PI4KA: variants seen among roughly 807,000 people sequenced by gnomAD.
The protein encoded by PI4KA is phosphatidylinositol 4-kinase alpha, also known as PI4-kinase alpha.
In PI4KA, 122 loss-of-function variants were observed where a neutral mutation model predicts 271.4. The observed-to-expected ratio is 0.45, with a 90% CI of 0.39 to 0.52. The LOEUF is 0.52. Ranked by LOEUF, PI4KA falls within the 20% of genes least tolerant of loss-of-function variation. PI4KA has a pLI of 0.00. For missense variants in PI4KA, 1,969 were observed against 2,769.1 expected, an observed-to-expected ratio of 0.71 and a Z score of 6.48; for synonymous variants, 1,041 against 1,078.8, an observed-to-expected ratio of 0.96 and a Z score of 0.69.
At chr22:20,751,417 C>T (rs1315690676) in intron 26 of PI4KA, 41 bp from the exon 27 acceptor site, 1 of 1,578,382 alleles carries the variant, frequency 6.3e-7, no homozygotes, top group Admixed American at 1.7e-5. Context: ...ACTGCCTTCC[C>T]CAAGTTGCCA....
At chr22:20,726,322 A>T in intron 42 of PI4KA, 166 bp downstream of exon 42, 1 of 539,554 alleles carries the variant, frequency 1.9e-6, no homozygotes, top group East Asian at 3.6e-5. Flanking sequence ...ATGGGTATCA[A>T]GGGACAATCA....
intron 17 of PI4KA, among the ~76,000 whole-genome samples, chr22:20,797,576 G>A (rs147528066): frequency 5.9e-5 from 9 of 152,300 alleles, no homozygotes; most frequent in African/African-American, 1.9e-4. Flanking sequence ...GGCTCATGAC[G>A]GTGGCAGCAA....
At chr22:20,787,380 G>A (rs1250285161) in intron 19 of PI4KA, 3 of 399,626 alleles carry the variant, frequency 7.5e-6, no homozygotes, top group Admixed American at 3.7e-5. Flanking sequence ...CCGCTCCGGT[G>A]ACCCCATCCT....
intron 1 of PI4KA, among the ~76,000 whole-genome samples, chr22:20,847,585 T>C (rs997782550): frequency 1.3e-5 from 2 of 151,850 alleles, no homozygotes; most frequent in Admixed American, 1.3e-4. Context: ...TGAAACCCAG[T>C]TTCTACAAAA....
chr22:20,756,302 G>A (rs1296697748), intron 23 of PI4KA, among the ~76,000 whole-genome samples: 2 of 151,048 alleles, frequency 1.3e-5, no homozygotes, highest in Non-Finnish European at 3.0e-5. Flanking sequence ...ACCTCCGACG[G>A]GTTGCATTCC....
intron 32 of PI4KA, among the ~76,000 whole-genome samples, chr22:20,735,833 C>G (rs3016140): frequency 1.3e-5 from 2 of 152,038 alleles, no homozygotes. Flanking sequence ...TCCTGCAGAC[C>G]GATTAGTCTT....
At chr22:20,749,859 A>C in intron 28 of PI4KA, 46 bp downstream of exon 28, 1 of 1,156,862 alleles carries the variant, frequency 8.6e-7, no homozygotes, top group Non-Finnish European at 1.3e-6. Flanking sequence ...CTTTTTTGGG[A>C]GTTTGAAGGA....
chr22:20,737,632 T>C (rs1183520098), intron 32 of PI4KA, among the ~76,000 whole-genome samples: 1 of 110,312 alleles, frequency 9.1e-6, no homozygotes, highest in East Asian at 3.0e-4. Flanking sequence ...CCTACTCTTT[T>C]TCTTTTTTTT....
chr22:20,782,929 C>G (rs1933910461), intron 19 of PI4KA, among the ~76,000 whole-genome samples: 1 of 152,214 alleles, frequency 6.6e-6, no homozygotes, highest in South Asian at 2.1e-4. Flanking sequence ...AAGACACCTC[C>G]TGCTCATCTC....
chr22:20,812,523 T>C (rs1326617190), intron 8 of PI4KA, among the ~76,000 whole-genome samples: 1 of 152,074 alleles, frequency 6.6e-6, no homozygotes, highest in East Asian at 1.9e-4. Context: ...CATCCTAGCT[T>C]GATTGTAACA....
chr22:20,854,084 C>A (rs375905536), intron 1 of PI4KA, among the ~76,000 whole-genome samples: 9 of 152,002 alleles, frequency 5.9e-5, no homozygotes, highest in African/African-American at 2.2e-4. Context: ...CTAGCACATA[C>A]CAAGGAGCAG....
In PI4KA at chr22:20,858,707, G is replaced by T; in HGVS notation, c.19C>A (p.Arg7=). ...CCTCCGCCTCCGCCTCCGCCTCCCC[G>T]GGCCGGGGCCGCCGCCATCACCTCA... MAAAPA[R]GGGGGGGGGG... The change falls in exon 1 of 55, where the codon CGG becomes AGG. Residue 7 remains arginine (R), a synonymous_variant. Transcript: ENST00000255882. 1 of 1,443,382 alleles carries T rather than the reference G, an allele frequency of 6.9e-7. No individual in the cohort carries two copies. The highest frequency in any genetic ancestry group is 1.6e-5 in the African/African-American group (1 of 61,984). 89.4% of individuals were successfully genotyped at this position (1,443,382 alleles called of 1,614,324 possible). A position where few individuals can be genotyped will look rare whatever the true frequency, so the allele number is the denominator to read the frequency against.
chr22:20,852,563 T>C (rs1927118968), intron 1 of PI4KA, among the ~76,000 whole-genome samples: 1 of 152,196 alleles, frequency 6.6e-6, no homozygotes, highest in South Asian at 2.1e-4. Flanking sequence ...TTTTTTCTTC[T>C]TCCAATTTCT....
chr22:20,787,781 G>A (rs928559280), intron 19 of PI4KA: 3 of 155,496 alleles, frequency 1.9e-5, no homozygotes, highest in Non-Finnish European at 4.3e-5. Flanking sequence ...CCAAATTCCT[G>A]GATAACTCCA....
At position 20,796,326 on chromosome 22, in the gene PI4KA, G is replaced by T; in HGVS notation, c.2109-12C>A. ...CCAGGGAGCAATGCCTGAAGAAGAA[G>T]GAGTGAAATAACAGCCACTGCCAGG... is the stretch of plus-strand genomic sequence containing the variant. On this transcript the variant is annotated splice_polypyrimidine_tract_variant and intron_variant, in intron 17 of 54. Transcript: ENST00000255882. 1 of 1,609,596 alleles carries T rather than the reference G, an allele frequency of 6.2e-7. No individual in the cohort carries two copies. Among genetic ancestry groups the T allele is most frequent in the Non-Finnish European group, 8.5e-7 (1 of 1,177,504 alleles).
intron 27 of PI4KA, among the ~76,000 whole-genome samples, chr22:20,750,556 C>G (rs886554928): frequency 6.6e-6 from 1 of 152,238 alleles, no homozygotes; most frequent in African/African-American, 2.4e-5. Context: ...AATTCCTGCA[C>G]AAGGTTTGTG....
At chr22:20,830,267 TA>T (rs1569081212) in intron 3 of PI4KA, among the ~76,000 whole-genome samples, 2 of 152,244 alleles carry the variant, frequency 1.3e-5, no homozygotes, top group Non-Finnish European at 2.9e-5. Flanking sequence ...TGTGGTTACC[TA>T]AGCCTCTTCA....
At chr22:20,828,755 A>G (rs1274721076) in intron 3 of PI4KA, among the ~76,000 whole-genome samples, 1 of 151,952 alleles carries the variant, frequency 6.6e-6, no homozygotes, top group Non-Finnish European at 1.5e-5. Flanking sequence ...GGATTTCACC[A>G]TGTTGGCCAG....
intron 1 of PI4KA, among the ~76,000 whole-genome samples, chr22:20,856,189 G>A (rs1156295033): frequency 1.3e-5 from 2 of 152,150 alleles, no homozygotes; most frequent in Admixed American, 6.5e-5. Flanking sequence ...GCACACGCCT[G>A]TAGTCCCAGC....
Sources: gnomAD v4.1 joint callset for allele counts (sites outside exome capture counted in the v4.1 genomes callset) on GRCh38, gnomAD v4.1.1 for gene constraint, MANE v1.5 for transcripts, NCBI Gene and HGNC (gene_info 2026-07-23, HGNC 2026-07-21) for gene names.